BIRC6: variants seen among roughly 807,000 people sequenced by gnomAD.
BIRC6 encodes baculoviral IAP repeat containing 6.
BIRC6 carries 98 observed loss-of-function variants against 503.3 expected under a neutral mutation model. The observed-to-expected ratio is 0.19, with a 90% CI of 0.17 to 0.23. The LOEUF (loss-of-function observed/expected upper bound fraction) is 0.23. Ranked by LOEUF, BIRC6 falls within the 10% of genes least tolerant of loss-of-function variation. BIRC6 has a pLI of 1.00. For synonymous variants in BIRC6, 2,240 were observed against 2,078.7 expected (o/e 1.08, Z -2.11); for missense variants, 5,360 against 5,806.0 (o/e 0.92, Z 2.50).
At chr2:32,407,766 T>C (rs1435717919) in intron 9 of BIRC6, among the ~76,000 whole-genome samples, 3 of 152,122 alleles carry the variant, frequency 2.0e-5, no homozygotes, top group Non-Finnish European at 4.4e-5. Context: ...GAAGCAGTTC[T>C]TAGCAATGAA....
At chr2:32,382,971 C>CT (rs1012040772) in intron 3 of BIRC6, among the ~76,000 whole-genome samples, 1 of 152,070 alleles carries the variant, frequency 6.6e-6, no homozygotes, top group African/African-American at 2.4e-5. Flanking sequence ...ATCCACCCAC[C>CT]TTGGCCTCCC....
intron 65 of BIRC6, among the ~76,000 whole-genome samples, chr2:32,551,124 G>A (rs747615810): frequency 1.1e-4 from 16 of 151,786 alleles, no homozygotes; most frequent in Non-Finnish European, 2.2e-4. Context: ...TTAAACGGTA[G>A]CATGCCTCCT....
intron 65 of BIRC6, among the ~76,000 whole-genome samples, chr2:32,572,341 G>T (rs548647489): frequency 6.6e-6 from 1 of 152,250 alleles, no homozygotes; most frequent in East Asian, 1.9e-4. Flanking sequence ...CACTATTATT[G>T]TATTACTGTG....
intron 72 of BIRC6, among the ~76,000 whole-genome samples, chr2:32,609,131 G>T (rs527786057): frequency 7.2e-5 from 11 of 152,198 alleles, no homozygotes; most frequent in African/African-American, 2.4e-4. Flanking sequence ...TGATCCGCCC[G>T]CCTCGGCCTT....
At chr2:32,581,685 A>G (rs1397907543) in intron 66 of BIRC6, among the ~76,000 whole-genome samples, 1 of 152,184 alleles carries the variant, frequency 6.6e-6, no homozygotes, top group Non-Finnish European at 1.5e-5. Flanking sequence ...CTTGAAATAT[A>G]TTAGACCATG....
At chr2:32,385,512 A>T (rs1334867171) in intron 3 of BIRC6, among the ~76,000 whole-genome samples, 1 of 152,212 alleles carries the variant, frequency 6.6e-6, no homozygotes, top group Non-Finnish European at 1.5e-5. Flanking sequence ...CTAGTAAGGA[A>T]CTAGGAGCTG....
intron 10 of BIRC6, among the ~76,000 whole-genome samples, chr2:32,421,291 G>A (rs1336113309): frequency 6.6e-6 from 1 of 151,794 alleles, no homozygotes; most frequent in African/African-American, 2.4e-5. Context: ...ATTTTTAGAA[G>A]AGACAGGGTC....
At chr2:32,562,938 A>C (rs576681930) in intron 65 of BIRC6, among the ~76,000 whole-genome samples, 1 of 152,036 alleles carries the variant, frequency 6.6e-6, no homozygotes, top group Non-Finnish European at 1.5e-5. Context: ...TGTTTCACTG[A>C]TCTATTTGTT....
Position 32,515,379 on chromosome 2 carries a change from T to C in BIRC6, c.10958T>C (p.Ile3653Thr), listed in dbSNP as rs199795136. The change falls in exon 55 of 74, where the codon ATT (isoleucine) becomes ACT (threonine). Residue 3653 changes from isoleucine (I) to threonine (T), a missense_variant. Transcript: ENST00000421745. ...AGCCACATTTCTAGCTCAGAAAGCA[T>C]TGCCCAGTCAATAGATATTTCCCAG... is the stretch of plus-strand genomic sequence containing the variant. ...CFSHISSSES[I>T]AQSIDISQDK... 1.9e-6 allele frequency: 3 copies of C among 1,613,644 alleles called. No individual in the cohort carries two copies. Among genetic ancestry groups the C allele is most frequent in the Non-Finnish European group, 2.5e-6 (3 of 1,179,890 alleles).
At chr2:32,486,474 C>A (rs2051005721) in intron 40 of BIRC6, among the ~76,000 whole-genome samples, 1 of 151,796 alleles carries the variant, frequency 6.6e-6, no homozygotes, top group Admixed American at 6.6e-5. Flanking sequence ...ACTGGGTAGA[C>A]CTCGGAGGAG....
At chr2:32,372,921 A>T (rs2149297200) in intron 1 of BIRC6, among the ~76,000 whole-genome samples, 1 of 152,304 alleles carries the variant, frequency 6.6e-6, no homozygotes, top group East Asian at 1.9e-4. Context: ...CTGAGTATAG[A>T]TTTTTGTGTG....
intron 68 of BIRC6, among the ~76,000 whole-genome samples, chr2:32,597,207 A>T (rs371841250): frequency 2.6e-5 from 4 of 152,210 alleles, no homozygotes; most frequent in African/African-American, 9.6e-5. Context: ...CATTTGTTTA[A>T]CCAGTAAGTG....
chr2:32,552,941 C>G (rs1177408583), intron 65 of BIRC6, among the ~76,000 whole-genome samples: 1 of 149,020 alleles, frequency 6.7e-6, no homozygotes, highest in Admixed American at 6.7e-5. Flanking sequence ...TTCCTGAAAA[C>G]AATCCATATT....
intron 10 of BIRC6, among the ~76,000 whole-genome samples, chr2:32,423,876 A>G (rs2043197057): frequency 6.6e-6 from 1 of 152,224 alleles, no homozygotes. Context: ...TGCTGTATAC[A>G]CTACCTGTCT....
intron 10 of BIRC6, among the ~76,000 whole-genome samples, chr2:32,418,138 A>G (rs796648181): frequency 3.9e-5 from 6 of 152,366 alleles, no homozygotes; most frequent in African/African-American, 1.4e-4. Context: ...TATCATAAAA[A>G]TCCAACTAGA....
chr2:32,357,148 C>A lies in BIRC6; in HGVS notation c.-14C>A. 1 of 1,481,280 alleles carries A rather than the reference C, an allele frequency of 6.8e-7. No individual in the cohort carries two copies. Among genetic ancestry groups the A allele is most frequent in the South Asian group, 1.3e-5 (1 of 74,612 alleles). 91.8% of individuals were successfully genotyped at this position (1,481,280 alleles called of 1,614,324 possible). On this transcript the variant is annotated 5_prime_UTR_variant, in exon 1 of 74. Coordinates refer to ENST00000421745, the MANE Select transcript of BIRC6 (RefSeq NM_016252.4). The surrounding 1 kb of genome is among the most constrained non-coding windows in gnomAD (Gnocchi z 4.9). ...ACTTCCGGCTAACGCGCTCGGCTTG[C>A]CCCCTGGCCCCGGATGGTGACTGGT...
At chr2:32,598,843 T>C (rs577044057) in intron 69 of BIRC6, among the ~76,000 whole-genome samples, 1 of 151,094 alleles carries the variant, frequency 6.6e-6, no homozygotes, top group African/African-American at 2.4e-5. Flanking sequence ...GCCAACATGG[T>C]GAAACCCCGT....
intron 51 of BIRC6, 36 bp from the exon 52 acceptor site, chr2:32,509,702 C>G (rs1277602094): frequency 3.7e-6 from 6 of 1,612,006 alleles, no homozygotes; most frequent in Non-Finnish European, 5.1e-6. Flanking sequence ...ATTTGAGCGA[C>G]TTATATTGAT....
chr2:32,410,151 A>G lies in BIRC6; in HGVS notation c.1477+3594A>G, dbSNP rs568464281. 1.1e-4 allele frequency among the ~76,000 whole-genome samples: 16 copies of G among 152,320 alleles called. 1 individual carries two copies. The highest frequency in any genetic ancestry group is 1.0e-3 in the South Asian group (5 of 4,830). The stretch of plus-strand genomic sequence containing the variant: ...GTTTTTTCTTGGCAGTTTCCTACAT[A>G]GATTAGAAAGAAAACATTTAAGTAA... On this transcript the variant is annotated intron_variant, in intron 9 of 73. Coordinates refer to ENST00000421745, the MANE Select transcript of BIRC6 (RefSeq NM_016252.4).
Sources: allele counts gnomAD v4.1 joint callset (sites outside exome capture counted in the v4.1 genomes callset), GRCh38; gene constraint gnomAD v4.1.1; non-coding constraint Gnocchi (gnomAD v3.1); transcripts MANE v1.5; gene names NCBI Gene and HGNC (gene_info 2026-07-23, HGNC 2026-07-21).